NOP14: variants seen among roughly 807,000 people sequenced by gnomAD.
The protein encoded by NOP14 is NOP14 nucleolar protein.
NOP14 carries 57 observed loss-of-function variants against 101.6 expected under a neutral mutation model. That is an observed-to-expected ratio of 0.56 (90% CI 0.45 to 0.70). The LOEUF (loss-of-function observed/expected upper bound fraction) is 0.70. Ranked by LOEUF, NOP14 falls within the 30% of genes least tolerant of loss-of-function variation. The pLI is 0.00. For synonymous variants in NOP14, 428 were observed against 424.0 expected (o/e 1.01, Z -0.12); for missense variants, 1,134 against 1,075.5 (o/e 1.05, Z -0.76).
intron 17 of NOP14, 107 bp from the exon 18 acceptor site, chr4:2,939,037 G>T: frequency 1.4e-6 from 2 of 1,474,860 alleles, no homozygotes; most frequent in Non-Finnish European, 1.9e-6. Context: ...GCCACGTTCA[G>T]TTCAAACAGG....
intron 5 of NOP14, 51 bp downstream of exon 5, chr4:2,953,460 G>C: frequency 6.3e-7 from 1 of 1,598,370 alleles, no homozygotes; most frequent in Non-Finnish European, 8.5e-7. Flanking sequence ...GGAGAAAGTC[G>C]GTCACCCAAG....
Position 2,951,212 on chromosome 4 carries a change from C to T in NOP14, c.904G>A (p.Glu302Lys), listed in dbSNP as rs996537844. The T allele has an allele frequency of 2.5e-6, 4 of 1,613,784 alleles. No individual in the cohort carries two copies. The highest frequency in any genetic ancestry group is 3.3e-5 in the Admixed American group (2 of 60,008). Residue 302 changes from glutamate (E) to lysine (K), a missense_variant, in exon 7 of 18, where the codon GAG (glutamate) becomes AAG (lysine). Glu to Lys is a moderately conservative substitution (Grantham distance 56). Transcript: ENST00000416614. ...ERLRRMLGKD[E>K]DENVKKPKHM... ...TTTGGTTTCTTAACATTTTCATCCT[C>T]ATCCTTTCCAAGCATTCTTCGAAGT...
chr4:2,940,240 T>C (rs766127748), intron 15 of NOP14: 94 of 154,426 alleles, frequency 6.1e-4, no homozygotes, highest in Non-Finnish European at 2.6e-4. Context: ...GCTGGTGGCT[T>C]CTGAGGAATC....
In NOP14 at chr4:2,949,998, C is replaced by T. The variant is rs1714908347; in HGVS notation, c.1218G>A (p.Gly406=). The T allele has an allele frequency of 1.9e-6, 3 of 1,614,026 alleles. No homozygotes were observed. Among genetic ancestry groups the T allele is most frequent in the Admixed American group, 3.3e-5 (2 of 60,008 alleles). ...AKEQRQTPGK[G]LISGKERAGK... is the part of the protein sequence containing the mutation. ...CAGCTCTTTCCTTGCCGCTTATCAA[C>T]CCTTTCCCAGGAGTCTGCCTCTGCT... is the stretch of plus-strand genomic sequence containing the variant. The change falls in exon 8 of 18, where the codon GGG becomes GGA. Residue 406 remains glycine (G), a synonymous_variant. Transcript: ENST00000416614.
Position 2,939,197 on chromosome 4 carries a change from A to G in NOP14, c.2465T>C (p.Ile822Thr), listed in dbSNP as rs1190714443. Residue 822 changes from isoleucine to threonine, a missense_variant, in exon 17 of 18, where the codon ATC (isoleucine) becomes ACC (threonine). Transcript: ENST00000416614. The part of the protein sequence containing the change: ...QFLARMQLSE[I>T]MERDAERKRK... ...CACACGTCCCCCTCACCGTTCCATG[A>G]TTTCTGAGAGTTGCATCCTCGCCAG... 18 of 1,613,792 alleles carry G rather than the reference A, an allele frequency of 1.1e-5. No individual in the cohort carries two copies. Among genetic ancestry groups the G allele is most frequent in the Non-Finnish European group, 1.5e-5 (18 of 1,180,028 alleles).
At chr4:2,958,456 A>T (rs1166176468) in intron 1 of NOP14, among the ~76,000 whole-genome samples, 2 of 152,176 alleles carry the variant, frequency 1.3e-5, no homozygotes, top group Non-Finnish European at 2.9e-5. Flanking sequence ...TTGCTGCGGA[A>T]CTTCTTCTAT....
intron 2 of NOP14, among the ~76,000 whole-genome samples, 177 bp downstream of exon 2, chr4:2,957,429 T>G (rs1025098387): frequency 6.6e-6 from 1 of 152,218 alleles, no homozygotes; most frequent in Non-Finnish European, 1.5e-5. Context: ...AGCTAACATT[T>G]GCAGAAGAGG....
chr4:2,945,822 G>A (rs945833029), intron 11 of NOP14, among the ~76,000 whole-genome samples: 1 of 152,154 alleles, frequency 6.6e-6, no homozygotes, highest in East Asian at 1.9e-4. Flanking sequence ...CACCATTCAC[G>A]TGGAATCAAA....
chr4:2,941,283 G>A (rs1714160363), intron 15 of NOP14: 4 of 389,980 alleles, frequency 1.0e-5, no homozygotes, highest in Non-Finnish European at 1.9e-5. Flanking sequence ...GACTGTCCAG[G>A]CCTGGCAGGG....
In NOP14 at chr4:2,963,354, C is replaced by T. The variant is rs745610589; in HGVS notation, c.-35G>A. ...CCCGCTGCGCCCAAGGGCCCGAGAC[C>T]CGAAGAGAGACAGGCGCGCGCTACC... On this transcript the variant is annotated 5_prime_UTR_variant, in exon 1 of 18. Coordinates refer to ENST00000416614, the MANE Select transcript of NOP14 (RefSeq NM_001291978.2). 1.3e-6 allele frequency: 2 copies of T among 1,518,012 alleles called. No individual in the cohort carries two copies. The highest frequency in any genetic ancestry group is 1.8e-6 in the Non-Finnish European group (2 of 1,141,642). 94.0% of individuals were successfully genotyped at this position (1,518,012 alleles called of 1,614,324 possible).
intron 7 of NOP14, 182 bp from the exon 8 acceptor site, chr4:2,950,395 A>G (rs1002430251): frequency 4.7e-6 from 3 of 637,826 alleles, no homozygotes; most frequent in African/African-American, 3.7e-5. Flanking sequence ...CTTCTAGGCT[A>G]TTCGAGCCGC....
intron 3 of NOP14, among the ~76,000 whole-genome samples, chr4:2,956,465 A>C (rs1382316625): frequency 1.3e-5 from 2 of 152,178 alleles, no homozygotes; most frequent in Non-Finnish European, 2.9e-5. Context: ...ATCTATCTAC[A>C]CACCATCTTA....
intron 7 of NOP14, chr4:2,950,696 G>C (rs1714970160): frequency 5.2e-6 from 1 of 191,416 alleles, no homozygotes; most frequent in African/African-American, 2.4e-5. Context: ...TAAAGTTCGT[G>C]AATTAAAAAC....
chr4:2,939,964 G>C (rs922447198), intron 15 of NOP14, among the ~76,000 whole-genome samples: 1 of 152,238 alleles, frequency 6.6e-6, no homozygotes, highest in African/African-American at 2.4e-5. Context: ...GCTCCTCACA[G>C]CCAGAAACGT....
rs1474670712 is a variant in NOP14, at chr4:2,945,205, G to A, written c.1660C>T (p.Leu554=). The A allele has an allele frequency of 6.3e-7, 1 of 1,578,458 alleles. No homozygotes were observed. The highest frequency in any genetic ancestry group is 8.6e-7 in the Non-Finnish European group (1 of 1,161,250). ...DVLIYLKITG[L]LFPTSDFWHP... ...CAGAAGTCGGAAGTTGGAAATAGCAGCCCAGTGATTTTCAAATAAATGAGC... is the reference window on the plus strand; with the variant it reads ...CAGAAGTCGGAAGTTGGAAATAGCAACCCAGTGATTTTCAAATAAATGAGC... The change falls in exon 12 of 18, where the codon CTG becomes TTG. Residue 554 remains leucine, a synonymous_variant. Transcript: ENST00000416614.
At chr4:2,945,878 A>G (rs1310768185) in intron 11 of NOP14, among the ~76,000 whole-genome samples, 1 of 152,160 alleles carries the variant, frequency 6.6e-6, no homozygotes, top group African/African-American at 2.4e-5. Flanking sequence ...TGGCTAGTGG[A>G]GGAGTGCCCT....
At chr4:2,941,482 T>C (rs958013917) in intron 15 of NOP14, 100 bp downstream of exon 15, 21 of 1,118,624 alleles carry the variant, frequency 1.9e-5, no homozygotes, top group Non-Finnish European at 2.7e-5. Flanking sequence ...GGTGTTGACT[T>C]ACAGCTGCAG....
At chr4:2,956,475 A>T (rs753961141) in intron 3 of NOP14, among the ~76,000 whole-genome samples, 195 bp downstream of exon 3, 11 of 152,202 alleles carry the variant, frequency 7.2e-5, no homozygotes, top group Non-Finnish European at 1.3e-4. Context: ...ACACCATCTT[A>T]AAGTTCTGAA....
chr4:2,956,677 C>T lies in NOP14; in HGVS notation c.465G>A (p.Thr155=), dbSNP rs140551802. The T allele has an allele frequency of 3.8e-4, 607 of 1,611,724 alleles. 1 individual carries two copies. Among genetic ancestry groups the T allele is most frequent in the Middle Eastern group, 4.9e-4 (3 of 6,068 alleles). The change falls in exon 3 of 18, where the codon ACG becomes ACA. Residue 155 remains threonine (T), a synonymous_variant. Coordinates refer to ENST00000416614, the MANE Select transcript of NOP14 (RefSeq NM_001291978.2). ...ACAGCACCCCAGCCTCACCAGACAACGTTCCTCGATCCTCAGCATCGCTGT... is the reference window on the plus strand; with the variant it reads ...ACAGCACCCCAGCCTCACCAGACAATGTTCCTCGATCCTCAGCATCGCTGT... ...DSDSDAEDRG[T]LSAELTAAHF...
Sources: gnomAD v4.1 joint callset for allele counts (sites outside exome capture counted in the v4.1 genomes callset) on GRCh38, gnomAD v4.1.1 for gene constraint, MANE v1.5 for transcripts, NCBI Gene and HGNC (gene_info 2026-07-23, HGNC 2026-07-21) for gene names.